The following COBL variants were observed in gnomAD, a reference collection of about 807,000 sequenced individuals.
COBL encodes protein cordon-bleu.
In COBL, 51 loss-of-function variants were observed where a neutral mutation model predicts 98.8. The observed-to-expected ratio is 0.52, with a 90% CI of 0.41 to 0.65. COBL has a LOEUF of 0.65. COBL is among the 30% of genes least tolerant of loss of function. The pLI is 0.00. For synonymous variants in COBL, 634 were observed against 651.7 expected, an observed-to-expected ratio of 0.97 and a Z score of 0.41; for missense variants, 1,617 against 1,617.5, an observed-to-expected ratio of 1.00 and a Z score of 0.01.
At chr7:51,195,923 T>C (rs1294167293) in intron 2 of COBL, among the ~76,000 whole-genome samples, 3 of 152,196 alleles carry the variant, frequency 2.0e-5, no homozygotes. Flanking sequence ...GTTCTAGATA[T>C]AGGATCATAT....
intron 1 of COBL, among the ~76,000 whole-genome samples, chr7:51,296,988 A>T (rs1446992021): frequency 1.3e-5 from 2 of 152,154 alleles, no homozygotes; most frequent in African/African-American, 4.8e-5. Flanking sequence ...GAATGAAAGG[A>T]TCATCTTTAG....
intron 1 of COBL, among the ~76,000 whole-genome samples, chr7:51,274,162 G>A (rs561473456): frequency 2.6e-5 from 4 of 152,216 alleles, no homozygotes; most frequent in East Asian, 1.9e-4. Context: ...CGCATGGGCC[G>A]CCTCCCGCTT....
intron 1 of COBL, among the ~76,000 whole-genome samples, chr7:51,254,010 A>G (rs1796975516): frequency 6.6e-6 from 1 of 152,132 alleles, no homozygotes; most frequent in Non-Finnish European, 1.5e-5. Context: ...AAAGAAATCT[A>G]ATTCCTATTT....
chr7:51,090,812 G>C (rs527780045), intron 6 of COBL, among the ~76,000 whole-genome samples: 2 of 152,336 alleles, frequency 1.3e-5, no homozygotes, highest in Non-Finnish European at 2.9e-5. Flanking sequence ...AGACAAAACT[G>C]AAATACTATG....
chr7:51,312,155 C>T (rs759691369), intron 1 of COBL, among the ~76,000 whole-genome samples: 1 of 151,022 alleles, frequency 6.6e-6, no homozygotes. Flanking sequence ...AACCTCGTCT[C>T]TATTAAAAAA....
chr7:51,054,345 G>T lies in COBL; in HGVS notation c.1097-10653C>A, dbSNP rs1007150613. On this transcript the variant is annotated intron_variant, in intron 7 of 12. Transcript: ENST00000265136. ...CATCTATAAAATCTACTGAGTTTGT[G>T]AGATTTCCACTGGGTTGGCCCCACA... Among the ~76,000 whole-genome samples, 5 of 152,100 alleles carry T rather than the reference G, an allele frequency of 3.3e-5. No homozygotes were observed. In the East Asian group the frequency reaches 9.7e-4, roughly 29 times the overall value.
At chr7:51,195,346 G>C (rs925795863) in intron 2 of COBL, among the ~76,000 whole-genome samples, 1 of 151,974 alleles carries the variant, frequency 6.6e-6, no homozygotes, top group Non-Finnish European at 1.5e-5. Context: ...TCTTATTTTT[G>C]GGTTCTCCAT....
chr7:51,121,299 T>C (rs1019229859), intron 6 of COBL, among the ~76,000 whole-genome samples: 1 of 152,252 alleles, frequency 6.6e-6, no homozygotes, highest in Non-Finnish European at 1.5e-5. Context: ...TTTCATGTGC[T>C]TGCTGACTTG....
At chr7:51,148,556 C>G (rs1785254055) in intron 5 of COBL, among the ~76,000 whole-genome samples, 1 of 152,218 alleles carries the variant, frequency 6.6e-6, no homozygotes, top group Non-Finnish European at 1.5e-5. Flanking sequence ...CCTGGCCCCT[C>G]TCCTGCCTAG....
intron 7 of COBL, among the ~76,000 whole-genome samples, chr7:51,064,192 T>C (rs1010988947): frequency 1.3e-5 from 2 of 152,204 alleles, no homozygotes; most frequent in African/African-American, 4.8e-5. Context: ...GCTACTGTGA[T>C]TGGTTCAGGA....
intron 1 of COBL, among the ~76,000 whole-genome samples, chr7:51,234,423 G>T (rs995299455): frequency 6.6e-6 from 1 of 152,228 alleles, no homozygotes; most frequent in South Asian, 2.1e-4. Flanking sequence ...CGAAAAGGCC[G>T]AGCGCAGTGA....
At chr7:51,062,370 C>T (rs1791466545) in intron 7 of COBL, among the ~76,000 whole-genome samples, 1 of 145,472 alleles carries the variant, frequency 6.9e-6, no homozygotes, top group Non-Finnish European at 1.6e-5. Context: ...TCTCCAAAGC[C>T]TCCATAATCC....
At chr7:51,046,457 C>T (rs1393792562) in intron 7 of COBL, among the ~76,000 whole-genome samples, 1 of 152,102 alleles carries the variant, frequency 6.6e-6, no homozygotes, top group Non-Finnish European at 1.5e-5. Context: ...CCCTCCTTTC[C>T]GAGGTCTGCT....
chr7:51,265,123 C>G (rs916985976), intron 1 of COBL, among the ~76,000 whole-genome samples: 1 of 152,212 alleles, frequency 6.6e-6, no homozygotes, highest in African/African-American at 2.4e-5. Context: ...AAAGTCTACA[C>G]AGCAGAACCT....
At position 51,030,677 on chromosome 7, in the gene COBL, C is replaced by T. The variant is rs1302123538; in HGVS notation, c.1504+135G>A. On this transcript the variant is annotated intron_variant, in intron 9 of 12. Coordinates refer to ENST00000265136, the MANE Select transcript of COBL (RefSeq NM_015198.5). Reference sequence around the variant, plus strand: ...TGTGTGCGCCTCACATCCAGACTTTCACCAAACTGACCTGGAATTCCTTCT... The same window carrying T: ...TGTGTGCGCCTCACATCCAGACTTTTACCAAACTGACCTGGAATTCCTTCT... The T allele has an allele frequency of 7.7e-6, 5 of 648,262 alleles. No individual in the cohort carries two copies. The Admixed American group carries it at 8.6e-5, about 11-fold the overall frequency. 40.2% of individuals were successfully genotyped at this position (648,262 alleles called of 1,614,324 possible). A position where few individuals can be genotyped will look rare whatever the true frequency, so the allele number is the denominator to read the frequency against.
At chr7:51,276,604 A>G (rs961808348) in intron 1 of COBL, among the ~76,000 whole-genome samples, 7 of 152,198 alleles carry the variant, frequency 4.6e-5, no homozygotes, top group Non-Finnish European at 7.3e-5. Context: ...GGACTGCACA[A>G]GGTGTGGGGG....
At chr7:51,199,205 G>C (rs1356261339) in intron 2 of COBL, among the ~76,000 whole-genome samples, 1 of 152,114 alleles carries the variant, frequency 6.6e-6, no homozygotes, top group Admixed American at 6.5e-5. Flanking sequence ...CATACCCTTG[G>C]TGACAGGTTC....
At chr7:51,226,935 C>A (rs1794258379) in intron 1 of COBL, among the ~76,000 whole-genome samples, 1 of 152,186 alleles carries the variant, frequency 6.6e-6, no homozygotes, top group Admixed American at 6.5e-5. Context: ...GTAACCTTCT[C>A]ACAATCACAC....
intron 6 of COBL, among the ~76,000 whole-genome samples, chr7:51,104,781 C>T (rs1796107964): frequency 6.6e-6 from 1 of 152,126 alleles, no homozygotes; most frequent in South Asian, 2.1e-4. Context: ...ATTCAGTCAT[C>T]CTCTGTCACC....
Sources: allele counts gnomAD v4.1 joint callset (sites outside exome capture counted in the v4.1 genomes callset), GRCh38; gene constraint gnomAD v4.1.1; transcripts MANE v1.5; gene names NCBI Gene and HGNC (gene_info 2026-07-23, HGNC 2026-07-21).